DHRS9: variants seen among roughly 807,000 people sequenced by gnomAD.
DHRS9 encodes dehydrogenase/reductase 9, also known as dehydrogenase/reductase SDR family member 9.
A neutral mutation model predicts 26.6 loss-of-function variants in DHRS9; 18 were observed. The observed-to-expected ratio is 0.68, with a 90% CI of 0.47 to 1.00. The LOEUF is 1.00. DHRS9 is among the 50% of genes least tolerant of loss of function. DHRS9 has a pLI of 0.00. For synonymous variants in DHRS9, 134 were observed against 141.1 expected (o/e 0.95, Z 0.36); for missense variants, 425 against 378.7 (o/e 1.12, Z -1.01).
chr2:169,082,829 A>T (rs1684230834), intron 2 of DHRS9, among the ~76,000 whole-genome samples: 1 of 143,506 alleles, frequency 7.0e-6, no homozygotes, highest in African/African-American at 2.6e-5. Flanking sequence ...GGAATTGAAC[A>T]ATGAGAACAC....
At chr2:169,077,676 C>G (rs1174567547) in intron 1 of DHRS9, among the ~76,000 whole-genome samples, 1 of 152,086 alleles carries the variant, frequency 6.6e-6, no homozygotes, top group East Asian at 1.9e-4. Context: ...CACAGACTCT[C>G]TCAAAGTTCT....
intron 4 of DHRS9, among the ~76,000 whole-genome samples, chr2:169,094,213 T>C (rs1684624475): frequency 6.6e-6 from 1 of 152,210 alleles, no homozygotes; most frequent in East Asian, 1.9e-4. Context: ...CATATACCTG[T>C]TGGCCATTTG....
intron 1 of DHRS9, among the ~76,000 whole-genome samples, chr2:169,077,896 A>G (rs1163919928): frequency 6.6e-6 from 1 of 152,160 alleles, no homozygotes; most frequent in African/African-American, 2.4e-5. Flanking sequence ...GGAGGTTATG[A>G]GGGGAGATGA....
intron 4 of DHRS9, among the ~76,000 whole-genome samples, 156 bp from the exon 5 acceptor site, chr2:169,095,388 T>A (rs971925937): frequency 6.6e-6 from 1 of 152,188 alleles, no homozygotes; most frequent in African/African-American, 2.4e-5. Flanking sequence ...CAATATCATT[T>A]TCTGAGGAAT....
At chr2:169,086,642 T>C (rs932637414) in intron 3 of DHRS9, among the ~76,000 whole-genome samples, 2 of 152,198 alleles carry the variant, frequency 1.3e-5, no homozygotes, top group African/African-American at 2.4e-5. Flanking sequence ...GGGAAGTCTT[T>C]CCAGGTATTT....
intron 1 of DHRS9, 94 bp from the exon 2 acceptor site, chr2:169,081,429 A>T: frequency 1.5e-6 from 2 of 1,375,192 alleles, no homozygotes; most frequent in Non-Finnish European, 1.9e-6. Flanking sequence ...ATTTATCCAC[A>T]CTAATGCATT....
intron 1 of DHRS9, chr2:169,081,218 A>T: frequency 1.0e-6 from 1 of 961,586 alleles, no homozygotes; most frequent in Non-Finnish European, 1.3e-6. Context: ...TAATACCATC[A>T]CTCCACATAG....
upstream of DHRS9, among the ~76,000 whole-genome samples, chr2:169,068,505 T>G (rs1321438430): frequency 6.6e-6 from 1 of 152,164 alleles, no homozygotes. Flanking sequence ...TTTGTATTTT[T>G]AGTAGAGATG....
At chr2:169,078,869 G>C (rs1684052361) in intron 1 of DHRS9, among the ~76,000 whole-genome samples, 1 of 140,628 alleles carries the variant, frequency 7.1e-6, no homozygotes, top group Admixed American at 7.2e-5. Flanking sequence ...TGTCGCCAGG[G>C]CTGGAGTGCA....
chr2:169,082,270 C>T (rs762201697), intron 2 of DHRS9, among the ~76,000 whole-genome samples: 2 of 152,174 alleles, frequency 1.3e-5, no homozygotes, highest in Non-Finnish European at 2.9e-5. Flanking sequence ...CATCTGGATA[C>T]CTGGCACCCA....
intron 1 of DHRS9, among the ~76,000 whole-genome samples, chr2:169,080,812 G>A (rs1684158441): frequency 6.6e-6 from 1 of 152,052 alleles, no homozygotes; most frequent in African/African-American, 2.4e-5. Context: ...TGGGGATGTG[G>A]GAGTCTGGTT....
chr2:169,074,471 G>T, intron 1 of DHRS9: 1 of 984,870 alleles, frequency 1.0e-6, no homozygotes, highest in East Asian at 1.1e-4. Flanking sequence ...AACCAGGTCA[G>T]TTCCTGGAGT....
In DHRS9 at chr2:169,081,814, G is replaced by A. The variant is rs1396015109; in HGVS notation, c.233G>A (p.Arg78His). The change falls in exon 2 of 5, where the codon CGT (arginine) becomes CAT (histidine). Residue 78 changes from arginine (R) to histidine (H), a missense_variant. By Grantham distance (29) the Arg-to-His change is conservative. Transcript: ENST00000674881. ...ALKAETSERL[R>H]TVLLDVTDPE... is the part of the protein sequence containing the mutation. ...AAGGCAGAAACCTCAGAGAGACTTC[G>A]TACTGTGCTTCTGGATGTGACCGAC... 1.2e-5 allele frequency: 19 copies of A among 1,614,156 alleles called. No homozygotes were observed. Among genetic ancestry groups the A allele is most frequent in the Middle Eastern group, 1.6e-4 (1 of 6,062 alleles).
chr2:169,076,622 T>C (rs1212465085), intron 1 of DHRS9, among the ~76,000 whole-genome samples: 1 of 152,210 alleles, frequency 6.6e-6, no homozygotes, highest in African/African-American at 2.4e-5. Flanking sequence ...TCCTTTTTCA[T>C]ATTTGCTACT....
At chr2:169,072,969 G>A (rs1358181942) in intron 1 of DHRS9, among the ~76,000 whole-genome samples, 1 of 152,148 alleles carries the variant, frequency 6.6e-6, no homozygotes, top group East Asian at 1.9e-4. Flanking sequence ...ACTTTGTAAT[G>A]TTATCAAAAT....
intron 3 of DHRS9, among the ~76,000 whole-genome samples, chr2:169,088,024 C>T (rs895599202): frequency 1.2e-4 from 18 of 152,150 alleles, no homozygotes; most frequent in African/African-American, 4.3e-4. Flanking sequence ...GCTTGCCCCC[C>T]AAGTCCACTG....
At chr2:169,089,593 A>G (rs1684457265) in intron 3 of DHRS9, among the ~76,000 whole-genome samples, 1 of 152,240 alleles carries the variant, frequency 6.6e-6, no homozygotes, top group Admixed American at 6.5e-5. Context: ...GTTAGAGTTT[A>G]TGATTTATAC....
At chr2:169,079,878 A>AG (rs1491113115) in intron 1 of DHRS9, among the ~76,000 whole-genome samples, 7 of 78,240 alleles carry the variant, frequency 8.9e-5, no homozygotes, top group South Asian at 4.3e-4. Flanking sequence ...AGAAAGAAAG[A>AG]AAGAAAGAGA....
rs1276478739 is a variant in DHRS9, at chr2:169,081,426, C to G, written c.-59-97C>G. 2.2e-6 allele frequency: 3 copies of G among 1,338,812 alleles called. No individual in the cohort carries two copies. The African/African-American group carries it at 4.4e-5, about 20-fold the overall frequency. The allele number at this position is 1,338,812 out of a possible 1,614,324, so 82.9% of individuals were successfully genotyped here. ...TTGTTTCTTTAACTTTCTATTTATCCACACTAATGCATTAAAATATCTCAA... is the reference window on the plus strand; with the variant it reads ...TTGTTTCTTTAACTTTCTATTTATCGACACTAATGCATTAAAATATCTCAA... On this transcript the variant is annotated intron_variant, in intron 1 of 4. Coordinates refer to ENST00000674881, the MANE Select transcript of DHRS9 (RefSeq NM_001376924.1).
Sources: gnomAD v4.1 joint callset for allele counts (sites outside exome capture counted in the v4.1 genomes callset) on GRCh38, gnomAD v4.1.1 for gene constraint, MANE v1.5 for transcripts, NCBI Gene and HGNC (gene_info 2026-07-23, HGNC 2026-07-21) for gene names.